Variants in HNMT observed in about 807,000 individuals in gnomAD.
The protein encoded by HNMT is histamine N-methyltransferase.
HNMT carries 30 observed loss-of-function variants against 32.1 expected under a neutral mutation model. That is an observed-to-expected ratio of 0.93 (90% CI 0.70 to 1.27). The LOEUF (loss-of-function observed/expected upper bound fraction) is 1.27, where lower values mean the gene tolerates loss of function less well. Among genes scored for constraint, HNMT ranks in the 50% most tolerant of loss-of-function variants. The probability of loss-of-function intolerance (pLI) is 0.00; values close to 1 mark genes in which losing one functional copy is unlikely to be tolerated. For synonymous variants in HNMT, 125 were observed against 119.0 expected, an observed-to-expected ratio of 1.05 and a Z score of -0.33; for missense variants, 327 against 346.0, an observed-to-expected ratio of 0.95 and a Z score of 0.43.
intron 2 of HNMT, among the ~76,000 whole-genome samples, chr2:137,997,011 C>A (rs1363954224): frequency 1.3e-5 from 2 of 152,222 alleles, no homozygotes; most frequent in Admixed American, 6.5e-5. Flanking sequence ...CACCTTATAA[C>A]AAAAATTAAC....
chr2:137,991,517 G>A (rs1395337669), intron 2 of HNMT, among the ~76,000 whole-genome samples: 1 of 152,088 alleles, frequency 6.6e-6, no homozygotes, highest in Non-Finnish European at 1.5e-5. Flanking sequence ...TAGGTGAAAG[G>A]TTTTCTGAGG....
chr2:137,998,613 C>T (rs1450867884), intron 2 of HNMT, among the ~76,000 whole-genome samples: 2 of 152,140 alleles, frequency 1.3e-5, no homozygotes, highest in African/African-American at 4.8e-5. Flanking sequence ...TTATGCAAAC[C>T]AATGGTTTCC....
At chr2:137,999,146 C>T (rs535165966) in intron 2 of HNMT, among the ~76,000 whole-genome samples, 25 of 152,146 alleles carry the variant, frequency 1.6e-4, no homozygotes, top group African/African-American at 4.8e-4. Context: ...TATCAATATC[C>T]CTTGAATGTC....
At chr2:137,998,422 T>A (rs1020677) in intron 2 of HNMT, among the ~76,000 whole-genome samples, 59,955 of 151,924 alleles carry the variant, frequency 0.39, 12,055 homozygotes, top group South Asian at 0.45. Context: ...GGACACTAAG[T>A]CAACAGGTAT....
At chr2:138,009,830 A>C (rs1368414700) in intron 5 of HNMT, among the ~76,000 whole-genome samples, 1 of 152,074 alleles carries the variant, frequency 6.6e-6, no homozygotes, top group East Asian at 1.9e-4. Flanking sequence ...GAGGTGTTCC[A>C]TCTACATCCC....
intron 5 of HNMT, among the ~76,000 whole-genome samples, chr2:138,006,018 G>C (rs1393184500): frequency 2.6e-5 from 4 of 151,988 alleles, no homozygotes; most frequent in African/African-American, 9.7e-5. Flanking sequence ...TAAATATGAA[G>C]AATTGCTTTA....
chr2:137,993,670 C>CA (rs1680895212), intron 2 of HNMT, among the ~76,000 whole-genome samples: 1 of 152,122 alleles, frequency 6.6e-6, no homozygotes, highest in African/African-American at 2.4e-5. Context: ...TGAGGAAAAA[C>CA]AGAGAACATC....
chr2:138,014,136 A>G lies in HNMT; in HGVS notation c.*6A>G, dbSNP rs751494355. 10 of 1,465,298 alleles carry G rather than the reference A, an allele frequency of 6.8e-6. No individual in the cohort carries two copies. In the South Asian group the frequency reaches 1.1e-4, roughly 17 times the overall value. 90.8% of individuals were successfully genotyped at this position (1,465,298 alleles called of 1,614,324 possible). A position where few individuals can be genotyped will look rare whatever the true frequency, so the allele number is the denominator to read the frequency against. ...TCATAGTGATTGAGGCATAACTATC[A>G]ATCACAAAAGTATATTCAAAAATTA... On this transcript the variant is annotated 3_prime_UTR_variant, in exon 6 of 6. Coordinates refer to ENST00000280097, the MANE Select transcript of HNMT (RefSeq NM_006895.3).
intron 2 of HNMT, among the ~76,000 whole-genome samples, chr2:137,998,206 G>A (rs182395728): frequency 1.3e-5 from 2 of 152,264 alleles, no homozygotes; most frequent in Non-Finnish European, 2.9e-5. Flanking sequence ...ATTGTCCAAT[G>A]TAGGGTACTT....
chr2:137,994,365 C>T (rs755666876), intron 2 of HNMT, among the ~76,000 whole-genome samples: 4 of 152,110 alleles, frequency 2.6e-5, no homozygotes, highest in Non-Finnish European at 5.9e-5. Flanking sequence ...AAAAAATAAG[C>T]AGGGGTTGAA....
At chr2:137,994,701 A>G (rs1313503439) in intron 2 of HNMT, among the ~76,000 whole-genome samples, 3 of 152,220 alleles carry the variant, frequency 2.0e-5, no homozygotes, top group Admixed American at 6.5e-5. Context: ...CTGTACCCCA[A>G]ATCAACAGAA....
intron 2 of HNMT, chr2:137,981,283 T>C: frequency 6.2e-7 from 1 of 1,613,630 alleles, no homozygotes; most frequent in East Asian, 2.2e-5. Flanking sequence ...GTAGCACCCG[T>C]CAGAAAGACA....
At chr2:138,008,546 C>A (rs1040308575) in intron 5 of HNMT, among the ~76,000 whole-genome samples, 2 of 151,958 alleles carry the variant, frequency 1.3e-5, no homozygotes, top group African/African-American at 4.8e-5. Context: ...GGTACAATAA[C>A]CAAACAGCAT....
At chr2:137,996,631 A>G (rs1242969186) in intron 2 of HNMT, among the ~76,000 whole-genome samples, 1 of 152,228 alleles carries the variant, frequency 6.6e-6, no homozygotes, top group African/African-American at 2.4e-5. Context: ...TATTCCCATC[A>G]AACTACCATC....
At chr2:138,007,526 T>A (rs988027076) in intron 5 of HNMT, among the ~76,000 whole-genome samples, 1 of 151,966 alleles carries the variant, frequency 6.6e-6, no homozygotes, top group Non-Finnish European at 1.5e-5. Flanking sequence ...CCAGAGTAAA[T>A]GATGGAGTTC....
chr2:137,978,361 A>G (rs1680351935), intron 2 of HNMT, among the ~76,000 whole-genome samples: 1 of 146,548 alleles, frequency 6.8e-6, no homozygotes, highest in Non-Finnish European at 1.5e-5. Context: ...ATAATATAGT[A>G]TTATACAATA....
intron 1 of HNMT, among the ~76,000 whole-genome samples, chr2:137,965,140 GT>G (rs1679916875): frequency 6.6e-6 from 1 of 151,976 alleles, no homozygotes; most frequent in Non-Finnish European, 1.5e-5. Flanking sequence ...CCTCAAAATT[GT>G]CTTTTTCTTT....
At chr2:137,998,329 T>A (rs1382792688) in intron 2 of HNMT, among the ~76,000 whole-genome samples, 2 of 152,100 alleles carry the variant, frequency 1.3e-5, no homozygotes. Flanking sequence ...TGTTCTTTTT[T>A]AAAAACTACT....
At chr2:137,975,884 C>T (rs540218059) in intron 2 of HNMT, among the ~76,000 whole-genome samples, 2 of 152,238 alleles carry the variant, frequency 1.3e-5, no homozygotes, top group South Asian at 2.1e-4. Context: ...TTGCCATTTT[C>T]GTATATTTTC....
Sources: gnomAD v4.1 joint callset for allele counts (sites outside exome capture counted in the v4.1 genomes callset) on GRCh38, gnomAD v4.1.1 for gene constraint, MANE v1.5 for transcripts, NCBI Gene and HGNC (gene_info 2026-07-23, HGNC 2026-07-21) for gene names.